Variants in DYNC1I1 observed in about 807,000 individuals in gnomAD.
DYNC1I1 encodes the protein cytoplasmic dynein 1 intermediate chain 1.
Under a neutral mutation model 86.6 loss-of-function variants are expected in DYNC1I1, and 43 were observed. The observed-to-expected ratio is 0.50, with a 90% confidence interval of 0.39 to 0.64. DYNC1I1 has a LOEUF of 0.64. Ranked by LOEUF, DYNC1I1 falls within the 30% of genes least tolerant of loss-of-function variation. The pLI is 0.00. For missense variants in DYNC1I1, 604 were observed against 788.8 expected (o/e 0.77, Z 2.81); for synonymous variants, 262 against 283.7 (o/e 0.92, Z 0.77).
intron 15 of DYNC1I1, among the ~76,000 whole-genome samples, chr7:96,078,645 AT>A (rs762067592): frequency 1.0e-3 from 159 of 152,124 alleles, no homozygotes; most frequent in Non-Finnish European, 1.6e-3. Context: ...ATTTTCAGTG[AT>A]TTTTTTGTTA....
chr7:96,088,780 C>T (rs1412708259), intron 16 of DYNC1I1, among the ~76,000 whole-genome samples: 5 of 151,992 alleles, frequency 3.3e-5, no homozygotes, highest in Non-Finnish European at 7.4e-5. Context: ...TTATACACCA[C>T]GTAGGTCGGA....
chr7:95,987,266 G>T (rs935546656), intron 9 of DYNC1I1, 111 bp downstream of exon 9: 8 of 924,192 alleles, frequency 8.7e-6, no homozygotes, highest in African/African-American at 5.0e-5. Context: ...ATGCCTGTTG[G>T]TTTTTTTCCC....
chr7:95,961,823 C>T (rs1792877863), intron 6 of DYNC1I1, among the ~76,000 whole-genome samples: 1 of 152,222 alleles, frequency 6.6e-6, no homozygotes, highest in African/African-American at 2.4e-5. Flanking sequence ...TGTTTCCTTG[C>T]TCTCACTGCG....
intron 6 of DYNC1I1, among the ~76,000 whole-genome samples, chr7:95,884,702 G>A (rs1185058378): frequency 6.6e-6 from 1 of 151,992 alleles, no homozygotes; most frequent in East Asian, 1.9e-4. Context: ...GGGAGGCAGA[G>A]GCGGGAGGAT....
chr7:96,093,175 A>G (rs1448874572), intron 16 of DYNC1I1, among the ~76,000 whole-genome samples: 2 of 152,240 alleles, frequency 1.3e-5, no homozygotes, highest in Non-Finnish European at 2.9e-5. Context: ...AATTTGACTG[A>G]CAATTTAAAG....
intron 5 of DYNC1I1, among the ~76,000 whole-genome samples, chr7:95,846,775 A>G (rs934268626): frequency 6.6e-6 from 1 of 152,144 alleles, no homozygotes; most frequent in African/African-American, 2.4e-5. Flanking sequence ...AGTCCTTCAG[A>G]TGTTACACCT....
intron 6 of DYNC1I1, among the ~76,000 whole-genome samples, chr7:95,927,813 T>C (rs963841536): frequency 3.9e-5 from 6 of 152,192 alleles, no homozygotes; most frequent in Admixed American, 3.9e-4. Context: ...GCTGTCCTTA[T>C]TCACTGCCTT....
At chr7:96,101,164 C>T (rs755483320), downstream of DYNC1I1, among the ~76,000 whole-genome samples, 1 of 152,036 alleles carries the variant, frequency 6.6e-6, no homozygotes, top group Non-Finnish European at 1.5e-5. Context: ...AGAGAGCAGC[C>T]AAGAAGGCTT....
chr7:95,802,867 C>G (rs1794614276), intron 1 of DYNC1I1: 1 of 152,216 alleles, frequency 6.6e-6, no homozygotes, highest in Admixed American at 6.6e-5. Flanking sequence ...TGCACTCAAT[C>G]TGTCAGTTCC....
chr7:96,001,178 G>A (rs150353927), intron 10 of DYNC1I1, among the ~76,000 whole-genome samples: 1 of 152,250 alleles, frequency 6.6e-6, no homozygotes, highest in East Asian at 1.9e-4. Context: ...ATCTGAACCA[G>A]GCTTTCTCCA....
intron 6 of DYNC1I1, among the ~76,000 whole-genome samples, chr7:95,973,080 C>T (rs1214023254): frequency 6.6e-6 from 1 of 152,152 alleles, no homozygotes; most frequent in African/African-American, 2.4e-5. Flanking sequence ...TTATTCCCTC[C>T]AATCTCAAAG....
At chr7:95,956,940 C>T (rs758134628) in intron 6 of DYNC1I1, among the ~76,000 whole-genome samples, 8 of 152,174 alleles carry the variant, frequency 5.3e-5, no homozygotes, top group East Asian at 1.9e-4. Flanking sequence ...TCATTTAACA[C>T]GATACCAAAT....
chr7:95,812,722 C>T (rs940672481), intron 3 of DYNC1I1, among the ~76,000 whole-genome samples: 1 of 152,190 alleles, frequency 6.6e-6, no homozygotes, highest in Non-Finnish European at 1.5e-5. Flanking sequence ...TCATGGCAAA[C>T]AGCTTATATT....
At chr7:95,881,450 A>G (rs991322216) in intron 6 of DYNC1I1, among the ~76,000 whole-genome samples, 19 of 152,260 alleles carry the variant, frequency 1.2e-4, no homozygotes, top group Non-Finnish European at 2.1e-4. Flanking sequence ...AATTGTTAGC[A>G]CAGCATTCCA....
At chr7:96,097,437 A>T (rs111289552) in intron 16 of DYNC1I1, 46 bp from the exon 17 acceptor site, 1 of 1,604,208 alleles carries the variant, frequency 6.2e-7, no homozygotes, top group Non-Finnish European at 8.5e-7. Flanking sequence ...GCTTTCAGAC[A>T]TGAAAGATAT....
chr7:96,006,968 A>G (rs1308078885), intron 10 of DYNC1I1, among the ~76,000 whole-genome samples: 2 of 152,228 alleles, frequency 1.3e-5, no homozygotes, highest in Non-Finnish European at 2.9e-5. Context: ...GTGTACATGT[A>G]TCAAAATATC....
At chr7:96,083,060 T>C (rs146686618) in intron 16 of DYNC1I1, among the ~76,000 whole-genome samples, 6 of 152,252 alleles carry the variant, frequency 3.9e-5, no homozygotes, top group Admixed American at 3.3e-4. Context: ...AAACAATTTG[T>C]AGGGCTGTTT....
At chr7:96,104,468 T>A (rs1791185093) in intron 16 of DYNC1I1, among the ~76,000 whole-genome samples, 1 of 152,186 alleles carries the variant, frequency 6.6e-6, no homozygotes, top group Admixed American at 6.5e-5. Context: ...GATATTGTCT[T>A]ATGTTTTCTT....
intron 6 of DYNC1I1, among the ~76,000 whole-genome samples, chr7:95,936,895 A>G (rs1792055257): frequency 6.6e-6 from 1 of 151,584 alleles, no homozygotes; most frequent in Non-Finnish European, 1.5e-5. Context: ...AGCATTATTC[A>G]CAATAGCCAA....
Sources: gnomAD v4.1 joint callset for allele counts (sites outside exome capture counted in the v4.1 genomes callset) on GRCh38, gnomAD v4.1.1 for gene constraint, MANE v1.5 for transcripts, NCBI Gene and HGNC (gene_info 2026-07-23, HGNC 2026-07-21) for gene names.